Variants in CHD6 observed in about 807,000 individuals in gnomAD.
The protein encoded by CHD6 is ATP-dependent chromatin remodeler CHD6.
A neutral mutation model predicts 276.9 loss-of-function variants in CHD6; 50 were observed. That is an observed-to-expected ratio of 0.18 (90% CI 0.14 to 0.23). The LOEUF (loss-of-function observed/expected upper bound fraction) is 0.23. Among genes scored for constraint, CHD6 ranks in the 10% least tolerant of loss-of-function variants. The pLI is 1.00. For missense variants in CHD6, 2,564 were observed against 3,365.8 expected (o/e 0.76, Z 5.89); for synonymous variants, 1,173 against 1,229.3 (o/e 0.95, Z 0.96).
At chr20:41,563,264 C>T (rs148933380) in intron 1 of CHD6, among the ~76,000 whole-genome samples, 3 of 152,172 alleles carry the variant, frequency 2.0e-5, no homozygotes, top group East Asian at 1.9e-4. Flanking sequence ...ATTCTGAGAA[C>T]CTTCCTGTGG....
chr20:41,466,837 C>T (rs1478886960), intron 17 of CHD6, among the ~76,000 whole-genome samples: 2 of 152,234 alleles, frequency 1.3e-5, no homozygotes, highest in Non-Finnish European at 2.9e-5. Flanking sequence ...ACCGAAACTA[C>T]TCCCAGCCTC....
intron 1 of CHD6, among the ~76,000 whole-genome samples, chr20:41,604,607 A>G (rs984669453): frequency 6.6e-6 from 1 of 152,178 alleles, no homozygotes. Context: ...AAAACGGAAA[A>G]TAACTGTCCA....
chr20:41,491,377 GTT>G (rs2043550702), intron 11 of CHD6, among the ~76,000 whole-genome samples: 1 of 144,084 alleles, frequency 6.9e-6, no homozygotes, highest in Admixed American at 6.9e-5. Context: ...TGTTTTTTTG[GTT>G]AAGGATTTAG....
intron 3 of CHD6, among the ~76,000 whole-genome samples, chr20:41,523,444 A>G (rs935011243): frequency 1.3e-5 from 2 of 152,212 alleles, no homozygotes; most frequent in Non-Finnish European, 2.9e-5. Context: ...ACAATCAAAC[A>G]TATCTCCACT....
chr20:41,424,229 T>C (rs909677108), intron 29 of CHD6, among the ~76,000 whole-genome samples: 6 of 152,146 alleles, frequency 3.9e-5, no homozygotes, highest in African/African-American at 1.4e-4. Context: ...TTGCTTTTCT[T>C]TGTGGTTTTA....
At chr20:41,611,778 C>T (rs1042490307) in intron 1 of CHD6, among the ~76,000 whole-genome samples, 5 of 152,148 alleles carry the variant, frequency 3.3e-5, no homozygotes, top group East Asian at 1.9e-4. Context: ...GCTGGGATTA[C>T]AAGCACATGC....
At chr20:41,582,191 A>T (rs188704002) in intron 1 of CHD6, among the ~76,000 whole-genome samples, 7 of 152,314 alleles carry the variant, frequency 4.6e-5, no homozygotes, top group Admixed American at 3.9e-4. Flanking sequence ...ATATCCAAAT[A>T]CTAACAAAAC....
chr20:41,405,422 C>A lies in CHD6; in HGVS notation c.7319G>T (p.Arg2440Leu). The A allele has an allele frequency of 1.2e-6, 2 of 1,610,466 alleles. No individual in the cohort carries two copies. The highest frequency in any genetic ancestry group is 1.1e-5 in the South Asian group (1 of 90,662). Reference protein sequence around the residue: ...AEPILRDTGPRRRGRRPRSEL... With the variant: ...AEPILRDTGPLRRGRRPRSEL... Reference sequence around the variant, plus strand: ...GCTCCGAGGCCGCCTCCCCCTCCTGCGGGGGCCCGTATCTCGAAGAATAGG... The same window carrying A: ...GCTCCGAGGCCGCCTCCCCCTCCTGAGGGGGCCCGTATCTCGAAGAATAGG... Residue 2440 changes from arginine to leucine, a missense_variant, in exon 37 of 37, where the codon CGC (arginine) becomes CTC (leucine). By Grantham distance (102) the Arg-to-Leu change is moderately radical. Coordinates refer to ENST00000373233, the MANE Select transcript of CHD6 (RefSeq NM_032221.5).
intron 11 of CHD6, 49 bp from the exon 12 acceptor site, chr20:41,490,070 T>TA (rs778361635): frequency 1.2e-5 from 19 of 1,531,984 alleles, no homozygotes; most frequent in Middle Eastern, 1.8e-4. Flanking sequence ...ATAGGAAACT[T>TA]ATAGAGGCTG....
intron 22 of CHD6, 42 bp downstream of exon 22, chr20:41,451,784 A>G (rs763777004): frequency 1.3e-6 from 2 of 1,560,200 alleles, no homozygotes; most frequent in Non-Finnish European, 8.8e-7. Context: ...GATGAAGTGC[A>G]TGGGAATCGT....
chr20:41,545,342 AT>A lies in CHD6; in HGVS notation c.33+5962del, dbSNP rs368955450. Among the ~76,000 whole-genome samples the A allele has an allele frequency of 8.7e-4, 132 of 152,334 alleles. 3 individuals are homozygous for A. In the South Asian group the frequency reaches 0.026, roughly 30 times the overall value. ...ACATAAAGTAAGAATAATGAAAAAA[AT>A]ATATTAAGATATGTTCAAAGAGGGG... On this transcript the variant is annotated intron_variant, in intron 2 of 36. Transcript: ENST00000373233.
chr20:41,491,839 G>A lies in CHD6; in HGVS notation c.1315-20C>T. 1.9e-6 allele frequency: 3 copies of A among 1,612,706 alleles called. No homozygotes were observed. The highest frequency in any genetic ancestry group is 1.7e-6 in the Non-Finnish European group (2 of 1,178,918). On this transcript the variant is annotated intron_variant, in intron 10 of 36. Transcript: ENST00000373233. ...CCGCTCCTAGGGAGGAAAGCAAACA[G>A]CATAATAGATAGAGAATGATGTTTT...
At chr20:41,416,210 G>A (rs1219997674) in intron 33 of CHD6, among the ~76,000 whole-genome samples, 1 of 152,152 alleles carries the variant, frequency 6.6e-6, no homozygotes, top group Admixed American at 6.5e-5. Context: ...TTCCATTCAT[G>A]CTTCCCTTTC....
intron 1 of CHD6, among the ~76,000 whole-genome samples, chr20:41,600,377 A>C (rs993030990): frequency 7.2e-5 from 11 of 152,216 alleles, no homozygotes; most frequent in African/African-American, 2.4e-4. Flanking sequence ...GTTCAATAAC[A>C]GGCAAAACTA....
At chr20:41,587,501 T>C (rs1367391163) in intron 1 of CHD6, among the ~76,000 whole-genome samples, 1 of 152,212 alleles carries the variant, frequency 6.6e-6, no homozygotes, top group African/African-American at 2.4e-5. Context: ...ATGCTTTTCA[T>C]TGACAAAGGT....
At chr20:41,593,347 T>A (rs1206827807) in intron 1 of CHD6, among the ~76,000 whole-genome samples, 1 of 152,296 alleles carries the variant, frequency 6.6e-6, no homozygotes, top group African/African-American at 2.4e-5. Flanking sequence ...TAGTCTCTAT[T>A]TTCAGCATTA....
intron 1 of CHD6, among the ~76,000 whole-genome samples, chr20:41,581,656 C>T (rs565967728): frequency 2.1e-5 from 3 of 144,492 alleles, no homozygotes; most frequent in Admixed American, 6.9e-5. Flanking sequence ...AGCCTGACGA[C>T]AGAGCGAGAC....
intron 5 of CHD6, among the ~76,000 whole-genome samples, chr20:41,501,609 T>C (rs2043831072): frequency 6.6e-6 from 1 of 152,248 alleles, no homozygotes; most frequent in Non-Finnish European, 1.5e-5. Flanking sequence ...AAGAAATCCA[T>C]ATAAATTATG....
At chr20:41,431,576 T>C (rs2047538855) in intron 27 of CHD6, among the ~76,000 whole-genome samples, 1 of 152,146 alleles carries the variant, frequency 6.6e-6, no homozygotes, top group Non-Finnish European at 1.5e-5. Context: ...TTCAGTCTAC[T>C]TATGCAAAAT....
Sources: allele counts gnomAD v4.1 joint callset (sites outside exome capture counted in the v4.1 genomes callset), GRCh38; gene constraint gnomAD v4.1.1; transcripts MANE v1.5; gene names NCBI Gene and HGNC (gene_info 2026-07-23, HGNC 2026-07-21).